NCOA7: variants seen among roughly 807,000 people sequenced by gnomAD.
NCOA7 encodes the protein nuclear receptor coactivator 7, also known as 140 kDa estrogen receptor-associated protein.
Under a neutral mutation model 104.3 loss-of-function variants are expected in NCOA7, and 45 were observed. The ratio of observed to expected loss-of-function variants is 0.43; its 90% CI spans 0.34 to 0.55. The LOEUF (loss-of-function observed/expected upper bound fraction) is 0.55. NCOA7 is among the 20% of genes least tolerant of loss of function. The pLI is 0.02. For synonymous variants in NCOA7, 398 were observed against 402.3 expected (o/e 0.99, Z 0.13); for missense variants, 1,041 against 1,119.7 (o/e 0.93, Z 1.00).
chr6:125,793,887 A>G (rs892847503), intron 1 of NCOA7, among the ~76,000 whole-genome samples: 2 of 152,154 alleles, frequency 1.3e-5, no homozygotes, highest in African/African-American at 2.4e-5. Flanking sequence ...TACAAAATGC[A>G]TTTGTTTCTG....
At chr6:125,813,572 C>T (rs1355438815) in intron 1 of NCOA7, among the ~76,000 whole-genome samples, 1 of 151,930 alleles carries the variant, frequency 6.6e-6, no homozygotes, top group African/African-American at 2.4e-5. Context: ...CTGCCTCAGC[C>T]TCCCAAGTGC....
chr6:125,869,011 C>T (rs1782658740), intron 3 of NCOA7, among the ~76,000 whole-genome samples: 2 of 152,200 alleles, frequency 1.3e-5, no homozygotes, highest in Admixed American at 6.5e-5. Flanking sequence ...ATTTTCCAAA[C>T]TTCTGTTTGT....
intron 3 of NCOA7, among the ~76,000 whole-genome samples, chr6:125,860,344 A>G (rs533973807): frequency 6.6e-6 from 1 of 152,154 alleles, no homozygotes; most frequent in African/African-American, 2.4e-5. Context: ...ATCATAGGAT[A>G]CTTTTTCTTT....
chr6:125,924,324 A>G (rs1247169276), intron 13 of NCOA7, among the ~76,000 whole-genome samples: 1 of 152,218 alleles, frequency 6.6e-6, no homozygotes, highest in African/African-American at 2.4e-5. Context: ...TTTGTAAAGG[A>G]GGCCTACAAC....
chr6:125,859,572 T>C (rs1380805683), intron 3 of NCOA7, among the ~76,000 whole-genome samples: 3 of 152,226 alleles, frequency 2.0e-5, no homozygotes, highest in African/African-American at 7.2e-5. Context: ...GGCAGTTTTT[T>C]TGTATATTAC....
rs1338944137 is a variant in NCOA7 at position 125,928,169 on chromosome 6, C to A, written c.2620-5C>A. On this transcript the variant is annotated splice_region_variant and splice_polypyrimidine_tract_variant and intron_variant, in intron 14 of 15. Transcript: ENST00000392477. ...CTGTTTTCTTTTTTGTGTTTCTTCC[C>A]CAAGGTCTTTAAGTGGAGTGGAGAA... 6.2e-7 allele frequency: 1 copy of A among 1,608,924 alleles called. No homozygotes were observed. Among genetic ancestry groups the A allele is most frequent in the African/African-American group, 1.3e-5 (1 of 74,516 alleles).
chr6:125,905,288 C>T (rs1195762357), intron 10 of NCOA7, among the ~76,000 whole-genome samples: 1 of 143,852 alleles, frequency 7.0e-6, no homozygotes, highest in African/African-American at 2.6e-5. Context: ...CAGAGTTTCA[C>T]TCTTGTCGCC....
At chr6:125,879,933 G>A (rs943996611) in intron 5 of NCOA7, among the ~76,000 whole-genome samples, 1 of 152,178 alleles carries the variant, frequency 6.6e-6, no homozygotes, top group African/African-American at 2.4e-5. Context: ...GAATGTGGGA[G>A]GTGGAGGTTG....
chr6:125,809,753 A>C (rs1306801964), intron 1 of NCOA7, among the ~76,000 whole-genome samples: 1 of 152,200 alleles, frequency 6.6e-6, no homozygotes, highest in African/African-American at 2.4e-5. Flanking sequence ...ACCAAGCCTC[A>C]ATGTGTACTC....
chr6:125,815,043 T>C (rs993591018), intron 1 of NCOA7, among the ~76,000 whole-genome samples: 2 of 152,134 alleles, frequency 1.3e-5, no homozygotes, highest in African/African-American at 4.8e-5. Context: ...TTTAAAATAG[T>C]TGTTAGTTGT....
chr6:125,926,268 T>C (rs1342676547), intron 13 of NCOA7, among the ~76,000 whole-genome samples: 1 of 147,838 alleles, frequency 6.8e-6, no homozygotes, highest in African/African-American at 2.5e-5. Flanking sequence ...GCTGAGATCA[T>C]GCCATTGCAC....
At chr6:125,837,173 A>T (rs1447922340) in intron 2 of NCOA7, among the ~76,000 whole-genome samples, 1 of 152,158 alleles carries the variant, frequency 6.6e-6, no homozygotes, top group African/African-American at 2.4e-5. Flanking sequence ...GGTTTATATC[A>T]ATTTATGAAA....
At chr6:125,798,841 T>G (rs554975942) in intron 1 of NCOA7, among the ~76,000 whole-genome samples, 3 of 152,328 alleles carry the variant, frequency 2.0e-5, no homozygotes, top group African/African-American at 7.2e-5. Flanking sequence ...TTTTTATATT[T>G]TTGACTTTTT....
chr6:125,836,234 T>G (rs1779598340), intron 2 of NCOA7, among the ~76,000 whole-genome samples: 2 of 152,200 alleles, frequency 1.3e-5, no homozygotes, highest in Admixed American at 1.3e-4. Flanking sequence ...AAAGAGCACT[T>G]TAAAAAATGT....
intron 7 of NCOA7, among the ~76,000 whole-genome samples, chr6:125,883,416 AT>A (rs1466365065): frequency 1.3e-5 from 2 of 152,152 alleles, no homozygotes; most frequent in Non-Finnish European, 2.9e-5. Flanking sequence ...AAATCCAGTG[AT>A]TTTTAGTTTC....
chr6:125,861,547 T>C (rs1583403756), intron 3 of NCOA7, among the ~76,000 whole-genome samples: 1 of 152,112 alleles, frequency 6.6e-6, no homozygotes, highest in Admixed American at 6.6e-5. Flanking sequence ...AAGAATCCAA[T>C]TAATATTTTT....
chr6:125,860,702 A>G (rs531680176), intron 3 of NCOA7, among the ~76,000 whole-genome samples: 2 of 152,314 alleles, frequency 1.3e-5, no homozygotes, highest in South Asian at 4.1e-4. Flanking sequence ...AATAGTGAAC[A>G]TCTTTGCTTC....
intron 15 of NCOA7, 54 bp from the exon 16 acceptor site, chr6:125,928,582 T>A: frequency 6.4e-7 from 1 of 1,556,060 alleles, no homozygotes; most frequent in Non-Finnish European, 8.6e-7. Context: ...GAGAATAGTG[T>A]GTCATGTAAC....
chr6:125,835,535 C>T (rs1779544391), intron 2 of NCOA7, among the ~76,000 whole-genome samples: 1 of 152,222 alleles, frequency 6.6e-6, no homozygotes, highest in Non-Finnish European at 1.5e-5. Context: ...CTTTTAGCTT[C>T]CTTTTTCAGG....
Sources: allele counts gnomAD v4.1 joint callset (sites outside exome capture counted in the v4.1 genomes callset), GRCh38; gene constraint gnomAD v4.1.1; transcripts MANE v1.5; gene names NCBI Gene and HGNC (gene_info 2026-07-23, HGNC 2026-07-21).